The following STPG2 variants were observed in gnomAD, a reference collection of about 807,000 sequenced individuals.
The protein encoded by STPG2 is sperm-tail PG-rich repeat-containing protein 2.
A neutral mutation model predicts 54.2 loss-of-function variants in STPG2; 56 were observed. The ratio of observed to expected loss-of-function variants is 1.03; its 90% CI spans 0.83 to 1.29. STPG2 has a LOEUF of 1.29. STPG2 is among the 50% of genes most tolerant of loss of function. STPG2 has a pLI of 0.00. For synonymous variants in STPG2, 200 were observed against 181.8 expected (o/e 1.10, Z -0.81); for missense variants, 596 against 544.9 (o/e 1.09, Z -0.93).
intron 5 of STPG2, chr4:98,026,232 C>T: frequency 9.7e-7 from 1 of 1,036,090 alleles, no homozygotes; most frequent in Non-Finnish European, 1.5e-6. Flanking sequence ...AAAGCAAGCC[C>T]CCTCAAGAGC....
intron 10 of STPG2, among the ~76,000 whole-genome samples, chr4:97,664,180 C>A (rs1208778241): frequency 6.6e-6 from 1 of 152,146 alleles, no homozygotes; most frequent in African/African-American, 2.4e-5. Flanking sequence ...TTAATCTTCA[C>A]AAAACCCCAA....
intron 1 of STPG2, among the ~76,000 whole-genome samples, chr4:98,142,290 T>C (rs187202767): frequency 1.3e-5 from 2 of 152,226 alleles, no homozygotes; most frequent in East Asian, 1.9e-4. Context: ...TGAAAATACA[T>C]AGTGTAGGTA....
chr4:97,791,623 A>G (rs1454427405), intron 9 of STPG2, among the ~76,000 whole-genome samples: 1 of 152,110 alleles, frequency 6.6e-6, no homozygotes, highest in Non-Finnish European at 1.5e-5. Flanking sequence ...TTCTCATTGT[A>G]TTCAATTTTG....
At chr4:97,906,146 A>G (rs567278226) in intron 8 of STPG2, among the ~76,000 whole-genome samples, 20 of 152,342 alleles carry the variant, frequency 1.3e-4, no homozygotes, top group African/African-American at 4.8e-4. Context: ...AAAAGAGAGA[A>G]GAATCAAATA....
intron 10 of STPG2, among the ~76,000 whole-genome samples, chr4:97,636,970 G>C (rs1360889759): frequency 6.6e-6 from 1 of 152,078 alleles, no homozygotes; most frequent in Non-Finnish European, 1.5e-5. Context: ...GAAAAAGAGG[G>C]AATCCTCCCT....
intron 5 of STPG2, among the ~76,000 whole-genome samples, chr4:98,013,852 C>T (rs996096125): frequency 1.3e-5 from 2 of 151,684 alleles, no homozygotes; most frequent in Admixed American, 1.3e-4. Flanking sequence ...TTTCATTCTT[C>T]TCTCTTTTCT....
intron 9 of STPG2, among the ~76,000 whole-genome samples, chr4:97,724,757 TG>T (rs1261542451): frequency 6.6e-6 from 1 of 152,172 alleles, no homozygotes; most frequent in African/African-American, 2.4e-5. Context: ...TAAGAAGGTG[TG>T]GTAATAGTAG....
At chr4:97,923,269 G>A (rs1001621682) in intron 8 of STPG2, among the ~76,000 whole-genome samples, 9 of 152,144 alleles carry the variant, frequency 5.9e-5, no homozygotes, top group Non-Finnish European at 1.3e-4. Context: ...GGCACAGGTG[G>A]GAACAGGGGC....
intron 4 of STPG2, among the ~76,000 whole-genome samples, chr4:97,539,380 A>T (rs9715661): frequency 0.022 from 3,365 of 152,000 alleles, 134 homozygotes; most frequent in Admixed American, 0.1. Flanking sequence ...AAAAAAAGGC[A>T]GGGGTTGGAA....
chr4:97,636,897 G>A (rs953281417), intron 10 of STPG2, among the ~76,000 whole-genome samples: 54 of 151,596 alleles, frequency 3.6e-4, no homozygotes, highest in Admixed American at 1.9e-3. Context: ...ATTCACAGCC[G>A]AATTCTACCA....
At chr4:97,469,980 A>T (rs1003023192) in intron 4 of STPG2, among the ~76,000 whole-genome samples, 1 of 152,236 alleles carries the variant, frequency 6.6e-6, no homozygotes, top group Admixed American at 6.6e-5. Flanking sequence ...TCTAGGAGCT[A>T]TGTGTAAATA....
intron 8 of STPG2, among the ~76,000 whole-genome samples, chr4:97,848,235 T>C (rs1040884229): frequency 1.2e-4 from 19 of 152,318 alleles, no homozygotes; most frequent in African/African-American, 4.6e-4. Context: ...GATATCTTAC[T>C]CTTCTGAATT....
At chr4:97,822,702 G>A (rs1282140497) in intron 9 of STPG2, among the ~76,000 whole-genome samples, 4 of 152,156 alleles carry the variant, frequency 2.6e-5, no homozygotes, top group African/African-American at 9.7e-5. Context: ...CACATTATGT[G>A]GCAAATACAG....
At chr4:97,876,414 A>G (rs943237670) in intron 8 of STPG2, among the ~76,000 whole-genome samples, 2 of 152,074 alleles carry the variant, frequency 1.3e-5, no homozygotes, top group Non-Finnish European at 2.9e-5. Context: ...TTTTATAATT[A>G]AGCAATGATG....
intron 8 of STPG2, among the ~76,000 whole-genome samples, chr4:97,868,795 C>G (rs1729881418): frequency 6.6e-6 from 1 of 151,860 alleles, no homozygotes; most frequent in Non-Finnish European, 1.5e-5. Context: ...AACACAGTGT[C>G]AAACCATGTG....
chr4:97,743,289 A>G (rs1158144680), intron 9 of STPG2, among the ~76,000 whole-genome samples: 3 of 151,758 alleles, frequency 2.0e-5, no homozygotes, highest in African/African-American at 7.2e-5. Flanking sequence ...CTTTGTTCAG[A>G]GTAGTTGCTT....
chr4:97,789,502 T>C (rs1010522782), intron 9 of STPG2, among the ~76,000 whole-genome samples: 1 of 152,082 alleles, frequency 6.6e-6, no homozygotes, highest in African/African-American at 2.4e-5. Context: ...AAAATCAATT[T>C]ACAATTGTTA....
At chr4:97,510,851 C>G (rs1461973112) in intron 4 of STPG2, among the ~76,000 whole-genome samples, 3 of 152,156 alleles carry the variant, frequency 2.0e-5, no homozygotes, top group Non-Finnish European at 4.4e-5. Flanking sequence ...GCCGGTAATC[C>G]CAGTTACTCA....
At chr4:97,544,545 A>G (rs778351030) in intron 4 of STPG2, among the ~76,000 whole-genome samples, 107 of 152,216 alleles carry the variant, frequency 7.0e-4, no homozygotes, top group African/African-American at 2.5e-3. Flanking sequence ...GCCTTCAGCA[A>G]TTAGAGCAAT....
Sources: gnomAD v4.1 joint callset for allele counts (sites outside exome capture counted in the v4.1 genomes callset) on GRCh38, gnomAD v4.1.1 for gene constraint, MANE v1.5 for transcripts, NCBI Gene and HGNC (gene_info 2026-07-23, HGNC 2026-07-21) for gene names.